FAT3: variants seen among roughly 807,000 people sequenced by gnomAD.
FAT3 encodes FAT atypical cadherin 3.
A neutral mutation model predicts 310.2 loss-of-function variants in FAT3; 95 were observed. That is an observed-to-expected ratio of 0.31 (90% CI 0.26 to 0.36). FAT3 has a LOEUF of 0.36. FAT3 is among the 10% of genes least tolerant of loss of function. The pLI is 1.00. For synonymous variants in FAT3, 2,314 were observed against 2,192.9 expected (o/e 1.06, Z -1.54); for missense variants, 5,408 against 5,715.6 (o/e 0.95, Z 1.74).
At chr11:92,840,460 G>A (rs370409523) in intron 17 of FAT3, 102 bp from the exon 18 acceptor site, 92 of 1,141,788 alleles carry the variant, frequency 8.1e-5, no homozygotes, top group African/African-American at 7.8e-4. Context: ...AGCACTCTCA[G>A]CCTGAAATGA....
chr11:92,417,721 A>C (rs1950446314), intron 2 of FAT3, among the ~76,000 whole-genome samples: 1 of 152,294 alleles, frequency 6.6e-6, no homozygotes, highest in African/African-American at 2.4e-5. Context: ...TTAGTCTTAA[A>C]CCACTCTTGA....
chr11:92,864,065 C>A (rs565786410), intron 21 of FAT3, among the ~76,000 whole-genome samples: 1 of 152,292 alleles, frequency 6.6e-6, no homozygotes, highest in Admixed American at 6.5e-5. Flanking sequence ...AAAAAGCAAG[C>A]TTAACCGTGC....
At chr11:92,810,509 A>G (rs1947639543) in intron 13 of FAT3, among the ~76,000 whole-genome samples, 2 of 152,210 alleles carry the variant, frequency 1.3e-5, no homozygotes, top group African/African-American at 4.8e-5. Context: ...TTTAGCTGAA[A>G]TATGACAATC....
intron 14 of FAT3, among the ~76,000 whole-genome samples, 195 bp downstream of exon 14, chr11:92,832,206 T>C (rs1360037463): frequency 6.6e-6 from 1 of 152,120 alleles, no homozygotes; most frequent in African/African-American, 2.4e-5. Flanking sequence ...CATGGTGGTA[T>C]GCACCTGTGG....
chr11:92,878,658 AAAAAAAAAAG>A lies in FAT3; in HGVS notation c.12128-2072_12128-2063del, dbSNP rs1312919289. Among the ~76,000 whole-genome samples, 262 of 99,874 alleles carry A rather than the reference AAAAAAAAAAG, an allele frequency of 2.6e-3. 22 individuals are homozygous for A. Among genetic ancestry groups the A allele is most frequent in the African/African-American group, 0.014 (216 of 15,816 alleles). 65.5% of individuals were successfully genotyped at this position (99,874 alleles called of 152,430 possible). ...TTAAAAAAAAAAAAAAAAAAAAAAA[AAAAAAAAAAG>A]CTCCGCACAAAAAAAGTTCTTGGAA... On this transcript the variant is annotated intron_variant, in intron 22 of 27. Transcript: ENST00000525166.
At chr11:92,673,703 G>T (rs570606968) in intron 3 of FAT3, among the ~76,000 whole-genome samples, 1 of 152,028 alleles carries the variant, frequency 6.6e-6, no homozygotes, top group Non-Finnish European at 1.5e-5. Flanking sequence ...GCTATGACAT[G>T]ATCTCTATGC....
intron 3 of FAT3, among the ~76,000 whole-genome samples, chr11:92,624,176 T>G (rs141554332): frequency 9.5e-4 from 145 of 151,968 alleles, no homozygotes; most frequent in African/African-American, 3.3e-3. Flanking sequence ...CCTACTGGAG[T>G]CAGGGAAAGC....
intron 4 of FAT3, among the ~76,000 whole-genome samples, chr11:92,704,138 G>T (rs554900953): frequency 6.6e-6 from 1 of 152,164 alleles, no homozygotes; most frequent in Admixed American, 6.5e-5. Context: ...ATTGACCCAG[G>T]TGTCAAGTTA....
chr11:92,879,507 C>G (rs1000023478), intron 22 of FAT3, among the ~76,000 whole-genome samples: 23 of 152,094 alleles, frequency 1.5e-4, no homozygotes, highest in African/African-American at 5.1e-4. Context: ...AATAAGCAAG[C>G]AAAAACACTG....
chr11:92,254,293 G>A (rs562554774), intron 1 of FAT3, among the ~76,000 whole-genome samples: 1 of 152,272 alleles, frequency 6.6e-6, no homozygotes, highest in East Asian at 1.9e-4. Flanking sequence ...TTTAAGAAAT[G>A]TTGATATCCT....
At chr11:92,846,649 A>G (rs150557293) in intron 19 of FAT3, among the ~76,000 whole-genome samples, 4 of 152,312 alleles carry the variant, frequency 2.6e-5, no homozygotes, top group Non-Finnish European at 4.4e-5. Context: ...CTTAAATGCA[A>G]TATGTTTCAA....
At chr11:92,362,488 A>G (rs1359812239) in intron 2 of FAT3, among the ~76,000 whole-genome samples, 1 of 152,152 alleles carries the variant, frequency 6.6e-6, no homozygotes, top group Non-Finnish European at 1.5e-5. Flanking sequence ...ATGGGAACCT[A>G]AGAAAGAAGG....
At chr11:92,788,677 CAAAG>C (rs1946961546) in intron 7 of FAT3, among the ~76,000 whole-genome samples, 1 of 151,762 alleles carries the variant, frequency 6.6e-6, no homozygotes, top group Non-Finnish European at 1.5e-5. Flanking sequence ...GGATTTTTGT[CAAAG>C]AAAAAGAAAC....
At chr11:92,285,209 G>C (rs115299163) in intron 1 of FAT3, among the ~76,000 whole-genome samples, 2,425 of 152,230 alleles carry the variant, frequency 0.016, 67 homozygotes, top group African/African-American at 0.055. Context: ...AGAGTGCAGA[G>C]TGTAAGAGTG....
chr11:92,701,468 C>T (rs556492640), intron 4 of FAT3, among the ~76,000 whole-genome samples: 1 of 152,192 alleles, frequency 6.6e-6, no homozygotes, highest in Admixed American at 6.5e-5. Flanking sequence ...ACAAAAGCAG[C>T]AAAGAACTGT....
At chr11:92,558,607 G>A (rs138586229) in intron 3 of FAT3, among the ~76,000 whole-genome samples, 8 of 152,132 alleles carry the variant, frequency 5.3e-5, no homozygotes, top group Non-Finnish European at 8.8e-5. Context: ...CTCAGCAGGG[G>A]TAATTTGTTT....
intron 3 of FAT3, among the ~76,000 whole-genome samples, chr11:92,630,182 A>G (rs1941504085): frequency 6.6e-6 from 1 of 152,168 alleles, no homozygotes. Context: ...GTAGAACACT[A>G]GATGTGGCTG....
At chr11:92,232,031 T>C (rs962152415) in intron 1 of FAT3, among the ~76,000 whole-genome samples, 3 of 152,214 alleles carry the variant, frequency 2.0e-5, no homozygotes, top group African/African-American at 7.2e-5. Context: ...TTCTAAGTGG[T>C]GGCTTAATGA....
intron 1 of FAT3, among the ~76,000 whole-genome samples, chr11:92,231,805 G>GTT (rs5793586): frequency 1.7e-3 from 259 of 149,098 alleles, no homozygotes; most frequent in African/African-American, 4.1e-3. Context: ...AAATATCAGG[G>GTT]TTTTTTTTTT....
Sources: allele counts gnomAD v4.1 joint callset (sites outside exome capture counted in the v4.1 genomes callset), GRCh38; gene constraint gnomAD v4.1.1; transcripts MANE v1.5; gene names NCBI Gene and HGNC (gene_info 2026-07-23, HGNC 2026-07-21).